The following CCNB3 variants were observed in gnomAD, a reference collection of about 807,000 sequenced individuals.
The protein encoded by CCNB3 is cyclin B3, also known as G2/mitotic-specific cyclin-B3.
In CCNB3, 12 loss-of-function variants were observed where a neutral mutation model predicts 68.0. That is an observed-to-expected ratio of 0.18 (90% CI 0.11 to 0.29). The LOEUF is 0.29. Among genes scored for constraint, CCNB3 ranks in the 10% least tolerant of loss-of-function variants. The pLI is 1.00. For missense variants in CCNB3, 904 were observed against 993.1 expected, an observed-to-expected ratio of 0.91 and a Z score of 1.21; for synonymous variants, 354 against 388.9, an observed-to-expected ratio of 0.91 and a Z score of 1.06.
chrX:50,225,476 C>T (rs944408622), intron 1 of CCNB3, among the ~76,000 whole-genome samples: 6 of 110,008 alleles, frequency 5.5e-5, no homozygotes, highest in Admixed American at 3.0e-4. Context: ...GGGAGGGACA[C>T]GATACCATTT....
intron 9 of CCNB3, 128 bp from the exon 10 acceptor site, chrX:50,346,524 G>A: frequency 1.5e-6 from 1 of 668,816 alleles, no homozygotes; most frequent in African/African-American, 2.2e-5. Flanking sequence ...ACCAGAAGCT[G>A]AGTCTCAGAG....
At chrX:50,291,807 T>C (rs1388575914) in intron 4 of CCNB3, among the ~76,000 whole-genome samples, 1 of 111,824 alleles carries the variant, frequency 8.9e-6, no homozygotes, top group African/African-American at 3.2e-5. Context: ...AAATGGTGAC[T>C]GTGCCAAGCT....
At position 50,311,163 on chromosome X, in the gene CCNB3, C is replaced by A; in HGVS notation, c.2994C>A (p.Gly998=). The change falls in exon 6 of 13, where the codon GGC becomes GGA. Residue 998 remains glycine, a synonymous_variant. Coordinates refer to ENST00000376042, the MANE Select transcript of CCNB3 (RefSeq NM_033031.3). The stretch of plus-strand genomic sequence containing the variant: ...GCATTGCTACCATGACCAGTGTGGG[C>A]AAATCTGGTACCATCAATGAGGCAT... ...KSSIATMTSV[G]KSGTINEAFL... The A allele has an allele frequency of 2.5e-6, 3 of 1,206,054 alleles. No homozygotes were observed. The highest frequency in any genetic ancestry group is 1.1e-6 in the Non-Finnish European group (1 of 894,223).
intron 3 of CCNB3, among the ~76,000 whole-genome samples, chrX:50,288,501 G>A (rs782661969): frequency 9.0e-6 from 1 of 111,250 alleles, no homozygotes; most frequent in South Asian, 3.9e-4. Context: ...GGAGAAATGA[G>A]CTTTACTGAG....
In CCNB3 at chrX:50,309,096, C is replaced by T. The variant is rs1557214058; in HGVS notation, c.927C>T (p.Ile309=). ...FRKPPVLQTT[I]CGAMSSIKKP... is the part of the protein sequence containing the mutation. ...AGCCACCAGTATTGCAGACAACCAT[C>T]TGTGGAGCAATGTCCTCCATTAAGA... Residue 309 remains isoleucine, a synonymous_variant, in exon 6 of 13, where the codon ATC becomes ATT. Transcript: ENST00000376042. The T allele has an allele frequency of 8.3e-7, 1 of 1,209,184 alleles. No individual in the cohort carries two copies. The highest frequency in any genetic ancestry group is 1.1e-6 in the Non-Finnish European group (1 of 893,253).
chrX:50,302,623 C>G (rs1467307111), intron 5 of CCNB3, among the ~76,000 whole-genome samples: 2 of 111,185 alleles, frequency 1.8e-5, no homozygotes, highest in Non-Finnish European at 3.8e-5. Flanking sequence ...TCTCAATACC[C>G]CCAACCTGCC....
At chrX:50,225,802 G>T (rs1935745886) in intron 1 of CCNB3, among the ~76,000 whole-genome samples, 1 of 107,175 alleles carries the variant, frequency 9.3e-6, no homozygotes, top group Non-Finnish European at 1.9e-5. Flanking sequence ...ACAATTCAAA[G>T]TTCTATTGTG....
intron 10 of CCNB3, among the ~76,000 whole-genome samples, chrX:50,347,068 T>G (rs1430679214): frequency 6.3e-5 from 7 of 110,930 alleles, no homozygotes; most frequent in Non-Finnish European, 3.8e-5. Context: ...AACGTTTCTT[T>G]TATCAGGGAG....
intron 5 of CCNB3, among the ~76,000 whole-genome samples, chrX:50,297,603 G>C (rs1256955595): frequency 2.7e-5 from 3 of 112,181 alleles, no homozygotes; most frequent in African/African-American, 3.2e-5. Context: ...GGATTGACTT[G>C]TCAATGCGGG....
rs1451035214 is a variant in CCNB3, at chrX:50,227,748, T to G, written c.-113+22798T>G. Among the ~76,000 whole-genome samples the G allele has an allele frequency of 2.8e-5, 2 of 70,433 alleles. 1 individual carries two copies. Among genetic ancestry groups the G allele is most frequent in the South Asian group, 1.3e-3 (2 of 1,560 alleles). The allele number at this position is 70,433 out of a possible 115,157, so 61.2% of individuals were successfully genotyped here. ...GAGAGATAATATATATAAATATGTA[T>G]AGAGAGAATATATATAAATATATAT... is the stretch of plus-strand genomic sequence containing the variant. On this transcript the variant is annotated intron_variant, in intron 1 of 12. Transcript: ENST00000376042.
chrX:50,350,889 G>T (rs1163261749), intron 11 of CCNB3, among the ~76,000 whole-genome samples: 2 of 109,695 alleles, frequency 1.8e-5, no homozygotes, highest in East Asian at 5.7e-4. Flanking sequence ...AAGAGATAGG[G>T]TCTTGCTGTG....
Position 50,347,787 on chromosome X carries a change from C to T in CCNB3, c.3960+12C>T, listed in dbSNP as rs782699435. 6.7e-6 allele frequency: 8 copies of T among 1,201,795 alleles called. No individual in the cohort carries two copies. Among genetic ancestry groups the T allele is most frequent in the African/African-American group, 3.6e-5 (2 of 56,300 alleles). On this transcript the variant is annotated intron_variant, in intron 11 of 12. Coordinates refer to ENST00000376042, the MANE Select transcript of CCNB3 (RefSeq NM_033031.3). ...AGCTCGGATACTGGGTAAACACTTG[C>T]GAGATAGGGGTATAGGGGTAGAGAT...
chrX:50,310,464 G>A lies in CCNB3; in HGVS notation c.2295G>A (p.Gln765=). The change falls in exon 6 of 13, where the codon CAG becomes CAA. Residue 765 remains glutamine (Q), a synonymous_variant. Coordinates refer to ENST00000376042, the MANE Select transcript of CCNB3 (RefSeq NM_033031.3). ...SHGKVFFLKK[Q]LALNETINEE... is the part of the protein sequence containing the mutation. Reference sequence around the variant, plus strand: ...GAAAAGTGTTCTTCCTGAAGAAGCAGTTGGCTTTGAATGAGACCATCAATG... The same window carrying A: ...GAAAAGTGTTCTTCCTGAAGAAGCAATTGGCTTTGAATGAGACCATCAATG... The A allele has an allele frequency of 8.3e-7, 1 of 1,210,114 alleles. No individual in the cohort carries two copies. Among genetic ancestry groups the A allele is most frequent in the Non-Finnish European group, 1.1e-6 (1 of 894,553 alleles).
chrX:50,287,631 G>A (rs1936263664), intron 3 of CCNB3, among the ~76,000 whole-genome samples: 1 of 111,759 alleles, frequency 8.9e-6, no homozygotes, highest in Non-Finnish European at 1.9e-5. Flanking sequence ...AGCTGATCCT[G>A]GAGCAGTATC....
At chrX:50,288,135 T>C (rs1024731922) in intron 3 of CCNB3, among the ~76,000 whole-genome samples, 17 of 108,222 alleles carry the variant, frequency 1.6e-4, no homozygotes, top group Non-Finnish European at 2.9e-4. Flanking sequence ...TATTTCATTA[T>C]ATATTACAAT....
intron 8 of CCNB3, among the ~76,000 whole-genome samples, chrX:50,336,242 T>A (rs782015085): frequency 8.9e-6 from 1 of 112,063 alleles, no homozygotes; most frequent in Non-Finnish European, 1.9e-5. Context: ...CAATGTCCTA[T>A]TTCCTTACAA....
At chrX:50,327,281 T>C (rs1425932499) in intron 8 of CCNB3, among the ~76,000 whole-genome samples, 2 of 112,076 alleles carry the variant, frequency 1.8e-5, no homozygotes, top group African/African-American at 6.5e-5. Context: ...TGGGAAAGAT[T>C]TATAGGAGAC....
At chrX:50,285,943 A>G (rs191723327) in intron 3 of CCNB3, among the ~76,000 whole-genome samples, 37 of 112,121 alleles carry the variant, frequency 3.3e-4, no homozygotes, top group African/African-American at 1.0e-3. Flanking sequence ...TTCGAGAAAG[A>G]TTTGATATAT....
At chrX:50,207,729 AT>A (rs1369562333) in intron 1 of CCNB3, among the ~76,000 whole-genome samples, 1 of 111,981 alleles carries the variant, frequency 8.9e-6, no homozygotes, top group Admixed American at 9.5e-5. Context: ...CTACTCTGTT[AT>A]TTTTTATAAT....
Sources: gnomAD v4.1 joint callset for allele counts (sites outside exome capture counted in the v4.1 genomes callset) on GRCh38, gnomAD v4.1.1 for gene constraint, MANE v1.5 for transcripts, NCBI Gene and HGNC (gene_info 2026-07-23, HGNC 2026-07-21) for gene names.